The following RNF25 variants were observed in gnomAD, a reference collection of about 807,000 sequenced individuals.
The protein encoded by RNF25 is ring finger protein 25, also known as E3 ubiquitin-protein ligase RNF25.
RNF25 carries 32 observed loss-of-function variants against 65.0 expected under a neutral mutation model. The observed-to-expected ratio is 0.49, with a 90% CI of 0.37 to 0.66. The LOEUF is 0.66. RNF25 is among the 30% of genes least tolerant of loss of function. The probability of loss-of-function intolerance (pLI) is 0.00; values close to 1 mark genes in which losing one functional copy is unlikely to be tolerated. For missense variants in RNF25, 493 were observed against 584.8 expected, an observed-to-expected ratio of 0.84 and a Z score of 1.62; for synonymous variants, 207 against 221.2, an observed-to-expected ratio of 0.94 and a Z score of 0.57.
chr2:218,663,917 C>T lies in RNF25; in HGVS notation c.*40G>A. On this transcript the variant is annotated 3_prime_UTR_variant, in exon 10 of 10. Coordinates refer to ENST00000295704, the MANE Select transcript of RNF25 (RefSeq NM_022453.3). ...GAAGGCCAAATATCTTTATTGCCTC[C>T]CTCCCATCCCCAATTCCCTGTTCCC... The T allele has an allele frequency of 7.2e-7, 1 of 1,389,972 alleles. No individual in the cohort carries two copies. 86.1% of individuals were successfully genotyped at this position (1,389,972 alleles called of 1,614,324 possible).
At chr2:218,669,749 C>A (rs769578975) in intron 1 of RNF25, among the ~76,000 whole-genome samples, 1 of 152,206 alleles carries the variant, frequency 6.6e-6, no homozygotes, top group African/African-American at 2.4e-5. Flanking sequence ...CCCAGCACGA[C>A]CTATGTCAGT....
chr2:218,664,828 GTTC>G lies in RNF25; in HGVS notation c.709_711del (p.Glu237del), dbSNP rs768576851. 2.2e-5 allele frequency: 36 copies of G among 1,614,140 alleles called. No individual in the cohort carries two copies. Among genetic ancestry groups the G allele is most frequent in the African/African-American group, 2.1e-4 (16 of 74,950 alleles). ...TGCTGCCTCTGGTAGAGCCGCTTGC[GTTC>G]TTCTTGCTGGCGCAAGCTCTCTGCA... On this transcript the variant is annotated inframe_deletion, in exon 9 of 10. Coordinates refer to ENST00000295704, the MANE Select transcript of RNF25 (RefSeq NM_022453.3). The surrounding 1 kb of genome is among the most constrained non-coding windows in gnomAD (Gnocchi z 5.1).
At chr2:218,668,039 C>G (rs779808739) in intron 4 of RNF25, 40 bp downstream of exon 4, 1 of 1,613,098 alleles carries the variant, frequency 6.2e-7, no homozygotes, top group Admixed American at 1.7e-5. Context: ...CCGGGCAAAG[C>G]TGTAGCTGAG....
rs1261384218 is a variant in RNF25, at chr2:218,664,947, G to A, written c.667-74C>T. 4 of 1,584,518 alleles carry A rather than the reference G, an allele frequency of 2.5e-6. No homozygotes were observed. The highest frequency in any genetic ancestry group is 3.4e-6 in the Non-Finnish European group (4 of 1,163,738). ...CTCAAACCTCTACTCCTCCCAGGCTGCCTCAGGAGATCTGCACTGGTTTTG... is the reference window on the plus strand; with the variant it reads ...CTCAAACCTCTACTCCTCCCAGGCTACCTCAGGAGATCTGCACTGGTTTTG... On this transcript the variant is annotated intron_variant, in intron 8 of 9. Transcript: ENST00000295704. The surrounding 1 kb of genome is among the most constrained non-coding windows in gnomAD (Gnocchi z 5.1).
At chr2:218,668,044 G>T in intron 4 of RNF25, 35 bp downstream of exon 4, 1 of 1,613,150 alleles carries the variant, frequency 6.2e-7, no homozygotes, top group Non-Finnish European at 8.5e-7. Context: ...CAAAGCTGTA[G>T]CTGAGTTTTC....
chr2:218,668,084 G>T lies in RNF25; in HGVS notation c.282C>A (p.Ile94=), dbSNP rs1172126941. Residue 94 remains isoleucine, a synonymous_variant, in exon 4 of 10, where the codon ATC becomes ATA. Transcript: ENST00000295704. ...RNPRGLSDEQ[I]HTILQVLGHV... The stretch of plus-strand genomic sequence containing the variant: ...TTCTGACAGGTTCAACTTACGTGTG[G>T]ATCTGTTCATCTGAAAGTCCTCGGG... 6.2e-7 allele frequency: 1 copy of T among 1,613,936 alleles called. No individual in the cohort carries two copies. Among genetic ancestry groups the T allele is most frequent in the Non-Finnish European group, 8.5e-7 (1 of 1,179,940 alleles).
Position 218,668,618 on chromosome 2 carries a change from T to C in RNF25, c.103A>G (p.Lys35Glu), listed in dbSNP as rs770090422. 2.2e-5 allele frequency: 36 copies of C among 1,610,482 alleles called. No individual in the cohort carries two copies. Among genetic ancestry groups the C allele is most frequent in the Non-Finnish European group, 3.1e-5 (36 of 1,176,894 alleles). The change falls in exon 2 of 10, where the codon AAA becomes GAA. Residue 35 changes from lysine to glutamate, a missense_variant. This residue lies in a region of RNF25 where 108 missense variants were observed against 166.0 expected (regional missense o/e 0.65). Transcript: ENST00000295704. ...SIYLDELQVI[K>E]GNGRTSPWEI... ...TTGAATACATACCTGCCATTTCCTTTAATCACCTGTAGTTCATCTAGATAG... is the reference window on the plus strand; with the variant it reads ...TTGAATACATACCTGCCATTTCCTTCAATCACCTGTAGTTCATCTAGATAG...
At chr2:218,665,413 A>AC (rs1056395139) in intron 7 of RNF25, among the ~76,000 whole-genome samples, 166 bp from the exon 8 acceptor site, 1 of 152,082 alleles carries the variant, frequency 6.6e-6, no homozygotes, top group East Asian at 1.9e-4. Flanking sequence ...AGATCTGGGA[A>AC]CCCCCCGAAA....
In RNF25 at chr2:218,668,086, T is replaced by C; in HGVS notation, c.280A>G (p.Ile94Val). Residue 94 changes from isoleucine (I) to valine (V), a missense_variant, in exon 4 of 10, where the codon ATC becomes GTC. Around this residue, in one of 3 missense-constraint regions of RNF25, gnomAD observed 108 missense variants for 166.0 expected, o/e 0.65. Coordinates refer to ENST00000295704, the MANE Select transcript of RNF25 (RefSeq NM_022453.3). The part of the protein sequence containing the change: ...RNPRGLSDEQ[I>V]HTILQVLGHV... Reference sequence around the variant, plus strand: ...CTGACAGGTTCAACTTACGTGTGGATCTGTTCATCTGAAAGTCCTCGGGGA... The same window carrying C: ...CTGACAGGTTCAACTTACGTGTGGACCTGTTCATCTGAAAGTCCTCGGGGA... 1 of 1,614,108 alleles carries C rather than the reference T, an allele frequency of 6.2e-7. No individual in the cohort carries two copies. Among genetic ancestry groups the C allele is most frequent in the South Asian group, 1.1e-5 (1 of 91,074 alleles).
intron 7 of RNF25, among the ~76,000 whole-genome samples, chr2:218,665,470 G>A (rs1000024451): frequency 3.3e-5 from 5 of 152,088 alleles, no homozygotes; most frequent in Non-Finnish European, 5.9e-5. Flanking sequence ...GGCCAGGCAC[G>A]GTGGCTCGCG....
At position 218,664,168 on chromosome 2, in the gene RNF25, T is replaced by C. The variant is rs757711501; in HGVS notation, c.1169A>G (p.His390Arg). The stretch of plus-strand genomic sequence containing the variant: ...TGGAGGACCTTCAACTCCTTGGCTA[T>C]GGGGTTCTGGCTTTAGGTCCATGGG... ...KEPMDLKPEP[H>R]SQGVEGPPQE... is the part of the protein sequence containing the mutation. The change falls in exon 10 of 10, where the codon CAT (histidine) becomes CGT (arginine). Residue 390 changes from histidine to arginine, a missense_variant. By Grantham distance (29) the His-to-Arg change is conservative (BLOSUM62 0). Coordinates refer to ENST00000295704, the MANE Select transcript of RNF25 (RefSeq NM_022453.3). The surrounding 1 kb of genome is among the most constrained non-coding windows in gnomAD (Gnocchi z 5.1). 9 of 1,564,536 alleles carry C rather than the reference T, an allele frequency of 5.8e-6. No homozygotes were observed. In the East Asian group the frequency reaches 1.8e-4, roughly 31 times the overall value.
rs1559321667 is a variant in RNF25, at chr2:218,664,371, G to C, written c.966C>G (p.Thr322=). The C allele has an allele frequency of 6.2e-7, 1 of 1,614,176 alleles. No individual in the cohort carries two copies. Among genetic ancestry groups the C allele is most frequent in the South Asian group, 1.1e-5 (1 of 91,076 alleles). ...CGCCCAACCTTTGCTGATTTGACCT[G>C]GTCCCTGGAATCTTCTCACATATGT... ...TQHICEKIPG[T]RSNQQRLGET... The change falls in exon 10 of 10, where the codon ACC becomes ACG. Residue 322 remains threonine (T), a synonymous_variant. Transcript: ENST00000295704. The surrounding 1 kb of genome is among the most constrained non-coding windows in gnomAD (Gnocchi z 5.1).
At chr2:218,666,256 CGGGGGTA>C (rs1939824202) in intron 5 of RNF25, 26 bp from the exon 6 acceptor site, 4 of 1,592,860 alleles carry the variant, frequency 2.5e-6, no homozygotes, top group Non-Finnish European at 3.4e-6. Flanking sequence ...ACTGATTAAA[CGGGGGTA>C]GGGGGAAGAA....
At chr2:218,668,719 T>G in intron 1 of RNF25, 40 bp from the exon 2 acceptor site, 26 of 1,424,180 alleles carry the variant, frequency 1.8e-5, no homozygotes, top group African/African-American at 2.9e-5. Context: ...ATTACAGCTC[T>G]CCCTGTGGAA....
At chr2:218,671,642 T>C (rs1479782684) in intron 1 of RNF25, among the ~76,000 whole-genome samples, 1 of 152,018 alleles carries the variant, frequency 6.6e-6, no homozygotes, top group Non-Finnish European at 1.5e-5. Context: ...GAAAATTCAT[T>C]TGAGGAGGAG....
At chr2:218,665,331 G>A (rs910708427) in intron 7 of RNF25, 84 bp from the exon 8 acceptor site, 22 of 1,219,554 alleles carry the variant, frequency 1.8e-5, no homozygotes, top group Non-Finnish European at 2.5e-5. Flanking sequence ...AATCTGCAGA[G>A]GGCTGGGACT....
At position 218,664,689 on chromosome 2, in the gene RNF25, T is replaced by G. The variant is rs754833349; in HGVS notation, c.801+50A>C. 1 of 1,611,982 alleles carries G rather than the reference T, an allele frequency of 6.2e-7. No homozygotes were observed. Among genetic ancestry groups the G allele is most frequent in the Non-Finnish European group, 8.5e-7 (1 of 1,178,648 alleles). ...TCTGGGGCCATGGCTGATTGGGGTTTGTAGAAAGGTTGGTGGCATTACAGG... is the reference window on the plus strand; with the variant it reads ...TCTGGGGCCATGGCTGATTGGGGTTGGTAGAAAGGTTGGTGGCATTACAGG... On this transcript the variant is annotated intron_variant, in intron 9 of 9. Transcript: ENST00000295704. This position sits in a 1 kb window ranked among gnomAD's most constrained non-coding sequence, Gnocchi z 5.1.
At chr2:218,670,695 C>CAAA (rs34923737) in intron 1 of RNF25, among the ~76,000 whole-genome samples, 36 of 32,330 alleles carry the variant, frequency 1.1e-3, no homozygotes, top group African/African-American at 2.6e-3. Flanking sequence ...GACTCCGTCT[C>CAAA]AAAAAAAAAA....
chr2:218,666,333 G>A, intron 5 of RNF25, 103 bp from the exon 6 acceptor site: 1 of 903,944 alleles, frequency 1.1e-6, no homozygotes, highest in Non-Finnish European at 1.8e-6. Flanking sequence ...GCTCCTAGCA[G>A]GCCAGTTTGT....
Sources: allele counts gnomAD v4.1 joint callset (sites outside exome capture counted in the v4.1 genomes callset), GRCh38; gene constraint gnomAD v4.1.1; regional missense constraint gnomAD v4.1.1; non-coding constraint Gnocchi (gnomAD v3.1); transcripts MANE v1.5; gene names NCBI Gene and HGNC (gene_info 2026-07-23, HGNC 2026-07-21).